The following WRAP53 variants were observed in gnomAD, a reference collection of about 807,000 sequenced individuals.
The protein encoded by WRAP53 is telomerase Cajal body protein 1.
A neutral mutation model predicts 56.6 loss-of-function variants in WRAP53; 28 were observed. The ratio of observed to expected loss-of-function variants is 0.50; its 90% CI spans 0.37 to 0.68. The LOEUF is 0.68. WRAP53 is among the 30% of genes least tolerant of loss of function. WRAP53 has a pLI of 0.00. For synonymous variants in WRAP53, 283 were observed against 283.4 expected, an observed-to-expected ratio of 1.00 and a Z score of 0.01; for missense variants, 671 against 715.5, an observed-to-expected ratio of 0.94 and a Z score of 0.71.
At chr17:7,687,422 C>G (rs1234703100), upstream of WRAP53, 1 of 398,560 alleles carries the variant, frequency 2.5e-6, no homozygotes, top group Admixed American at 4.4e-5. Flanking sequence ...ACGCTCCCAG[C>G]CCGAACGCAA....
intron 4 of WRAP53, among the ~76,000 whole-genome samples, chr17:7,690,531 G>A (rs1395285298): frequency 6.6e-6 from 1 of 152,244 alleles, no homozygotes; most frequent in African/African-American, 2.4e-5. Context: ...TAAGGGATCA[G>A]TCATGTGAAG....
In WRAP53 at chr17:7,688,518, C is replaced by A. The variant is rs548795605; in HGVS notation, c.-45C>A. 55 of 983,652 alleles carry A rather than the reference C, an allele frequency of 5.6e-5. No individual in the cohort carries two copies. Among genetic ancestry groups the A allele is most frequent in the Admixed American group, 7.2e-5 (3 of 41,494 alleles). 60.9% of individuals were successfully genotyped at this position (983,652 alleles called of 1,614,324 possible). ...TTGGCGTCCGCTGTTCGCCTCTCCT[C>A]CCGGGAGTCTTCTGCCTACTCCCAG... is the stretch of plus-strand genomic sequence containing the variant. On this transcript the variant is annotated 5_prime_UTR_variant, in exon 1 of 11. Coordinates refer to ENST00000396463, the MANE Select transcript of WRAP53 (RefSeq NM_001143992.2).
Position 7,688,982 on chromosome 17 carries a change from A to T in WRAP53, c.334A>T (p.Ser112Cys). The change falls in exon 2 of 11, where the codon AGC becomes TGC. Residue 112 changes from serine (S) to cysteine (C), a missense_variant. Around this residue, in one of 3 missense-constraint regions of WRAP53, gnomAD observed 406 missense variants for 418.5 expected, o/e 0.97. Coordinates refer to ENST00000396463, the MANE Select transcript of WRAP53 (RefSeq NM_001143992.2). The part of the protein sequence containing the change: ...TSLPAEEANG[S>C]LSEEEANGPE... The stretch of plus-strand genomic sequence containing the variant: ...CCTTCCTGCAGAAGAAGCAAACGGG[A>T]GCCTTTCTGAAGAAGAAGCGAACGG... The T allele has an allele frequency of 2.5e-6, 4 of 1,614,170 alleles. No homozygotes were observed. Among genetic ancestry groups the T allele is most frequent in the Non-Finnish European group, 3.4e-6 (4 of 1,180,032 alleles).
chr17:7,703,501 T>TTAA lies in WRAP53; in HGVS notation c.*15_*16insTAA. 6.7e-7 allele frequency: 1 copy of TTAA among 1,495,924 alleles called. No homozygotes were observed. The allele number at this position is 1,495,924 out of a possible 1,614,324, so 92.7% of individuals were successfully genotyped here. A position where few individuals can be genotyped will look rare whatever the true frequency, so the allele number is the denominator to read the frequency against. On this transcript the variant is annotated 3_prime_UTR_variant, in exon 11 of 11. Transcript: ENST00000396463. ...AGCTGATATAAAAAGGTTTTTATGA[T>TTAA]ACTAGAGTCTTCGTGTCTGTTTTGG...
In WRAP53 at chr17:7,701,659, T is replaced by TG; in HGVS notation, c.826dup (p.Glu276GlyfsTer81). ...TTTCAGCCCTTTCCTTCCCCCAGGA[T>TG]GAGCTGACGGCAGCCCATTCGCTCT... On this transcript the variant is annotated frameshift_variant, in exon 7 of 11. Transcript: ENST00000396463. LOFTEE classifies it high-confidence loss of function. This position sits in a 1 kb window ranked among gnomAD's most constrained non-coding sequence, Gnocchi z 4.2. 1 of 1,614,248 alleles carries TG rather than the reference T, an allele frequency of 6.2e-7. No individual in the cohort carries two copies. Among genetic ancestry groups the TG allele is most frequent in the South Asian group, 1.1e-5 (1 of 91,082 alleles).
chr17:7,702,015 A>G lies in WRAP53; in HGVS notation c.955+226A>G, dbSNP rs112156853. On this transcript the variant is annotated intron_variant, in intron 7 of 10. Coordinates refer to ENST00000396463, the MANE Select transcript of WRAP53 (RefSeq NM_001143992.2). The surrounding 1 kb of genome is among the most constrained non-coding windows in gnomAD (Gnocchi z 5.0). ...AGGACTGCTTCCTTCCTGAACTCAT[A>G]CCCTGTCAGCTGTGGAGCTTTTGGT... is the stretch of plus-strand genomic sequence containing the variant. The G allele has an allele frequency of 1.3e-6, 1 of 768,470 alleles. No individual in the cohort carries two copies. 47.6% of individuals were successfully genotyped at this position (768,470 alleles called of 1,614,324 possible). A position where few individuals can be genotyped will look rare whatever the true frequency, so the allele number is the denominator to read the frequency against.
chr17:7,690,649 C>T (rs1430959323), intron 4 of WRAP53, among the ~76,000 whole-genome samples: 9 of 152,194 alleles, frequency 5.9e-5, no homozygotes, highest in South Asian at 4.1e-4. Flanking sequence ...TGGTGGCTCA[C>T]GCCTGTAATC....
chr17:7,702,977 C>T lies in WRAP53; in HGVS notation c.1269-16C>T. On this transcript the variant is annotated splice_polypyrimidine_tract_variant and intron_variant, in intron 9 of 10. Coordinates refer to ENST00000396463, the MANE Select transcript of WRAP53 (RefSeq NM_001143992.2). The surrounding 1 kb of genome is among the most constrained non-coding windows in gnomAD (Gnocchi z 5.0). ...GGGTGAGGCCTCTGCCAGCAAATCT[C>T]TCCTCTCTCTCGCAGGACCGGGCAG... 6.2e-7 allele frequency: 1 copy of T among 1,613,640 alleles called. No individual in the cohort carries two copies. Among genetic ancestry groups the T allele is most frequent in the Non-Finnish European group, 8.5e-7 (1 of 1,180,022 alleles).
upstream of WRAP53, chr17:7,687,280 C>T: frequency 2.5e-6 from 1 of 398,514 alleles, no homozygotes; most frequent in East Asian, 3.6e-5. Flanking sequence ...TCCCCACTGC[C>T]CCACCCCCAG....
Position 7,700,805 on chromosome 17 carries a change from C to T in WRAP53, c.707C>T (p.Ser236Phe), listed in dbSNP as rs749638410. 6.2e-7 allele frequency: 1 copy of T among 1,613,126 alleles called. No individual in the cohort carries two copies. Residue 236 changes from serine (S) to phenylalanine (F), a missense_variant, in exon 5 of 11, where the codon TCC becomes TTC. Physicochemically the swap from Ser to Phe is radical, Grantham distance 155 (BLOSUM62 -2). This residue lies in a region of WRAP53 where 406 missense variants were observed against 418.5 expected (regional missense o/e 0.97). Coordinates refer to ENST00000396463, the MANE Select transcript of WRAP53 (RefSeq NM_001143992.2). ...IYDYCWYSLM[S>F]SAQPDTSYVA... ...GATTACTGCTGGTATTCTCTGATGT[C>T]CTCAGCCCAGCCAGACACCTCCTAG...
chr17:7,693,960 A>T (rs1240968854), intron 4 of WRAP53, among the ~76,000 whole-genome samples: 1 of 152,036 alleles, frequency 6.6e-6, no homozygotes, highest in Non-Finnish European at 1.5e-5. Flanking sequence ...TAAGTTTTTG[A>T]TGAAGCTGAA....
Position 7,702,454 on chromosome 17 carries a change from G to A in WRAP53, c.1066G>A (p.Asp356Asn). The A allele has an allele frequency of 6.2e-7, 1 of 1,614,074 alleles. No homozygotes were observed. ...CTCCCTGGGTCTGTATGCCTGGGATGATGGCTCCCCTCTCGCCTTGCTGGG... is the reference window on the plus strand; with the variant it reads ...CTCCCTGGGTCTGTATGCCTGGGATAATGGCTCCCCTCTCGCCTTGCTGGG... ...GRSLGLYAWD[D>N]GSPLALLGGH... The change falls in exon 8 of 11, where the codon GAT (aspartate) becomes AAT (asparagine). Residue 356 changes from aspartate (D) to asparagine (N), a missense_variant. Physicochemically the swap from Asp to Asn is conservative, Grantham distance 23. This residue lies in a region of WRAP53 where 158 missense variants were observed against 215.7 expected (regional missense o/e 0.73). Coordinates refer to ENST00000396463, the MANE Select transcript of WRAP53 (RefSeq NM_001143992.2). The surrounding 1 kb of genome is among the most constrained non-coding windows in gnomAD (Gnocchi z 5.0).
chr17:7,703,403 GC>G lies in WRAP53; in HGVS notation c.1565del (p.Ala522GlyfsTer26), dbSNP rs373064567. ...CRLQLWWCGG[A>X]PDSSIPDDHQ... ...GCTTCAGCTCTGGTGGTGTGGGGGG[GC>G]GCCAGACTCCAGCATCCCTGATGAT... On this transcript the variant is annotated frameshift_variant, in exon 11 of 11. Coordinates refer to ENST00000396463, the MANE Select transcript of WRAP53 (RefSeq NM_001143992.2). LOFTEE classifies it low-confidence loss of function (END_TRUNC). 4.1e-5 allele frequency: 66 copies of G among 1,611,876 alleles called. No individual in the cohort carries two copies. The highest frequency in any genetic ancestry group is 1.1e-4 in the African/African-American group (8 of 74,704).
rs779303064 is a variant in WRAP53, at chr17:7,688,800, C to G, written c.152C>G (p.Pro51Arg). ...CCGCCTCCCGAAAGGGGGGATCCGC[C>G]CCGGTTGTCCCCAGATCCTGTGGCT... Reference protein sequence around the residue: ...MPPPPERGDPPRLSPDPVAGS... With the variant: ...MPPPPERGDPRRLSPDPVAGS... Residue 51 changes from proline (P) to arginine (R), a missense_variant, in exon 2 of 11, where the codon CCC (proline) becomes CGC (arginine). Pro to Arg is a moderately radical substitution (Grantham distance 103, BLOSUM62 -2). This residue lies in a region of WRAP53 where 406 missense variants were observed against 418.5 expected (regional missense o/e 0.97). Transcript: ENST00000396463. 1.9e-6 allele frequency: 3 copies of G among 1,614,070 alleles called. No individual in the cohort carries two copies. The highest frequency in any genetic ancestry group is 1.7e-6 in the Non-Finnish European group (2 of 1,180,044).
rs999267275 is a variant in WRAP53 at position 7,701,603 on chromosome 17, T to C, written c.822+54T>C. ...CTCGTACTGGCCCGGCTCTCCTTCC[T>C]TGAGGGCAGCTGAGGCTTTGCAAGA... On this transcript the variant is annotated intron_variant, in intron 6 of 10. Transcript: ENST00000396463. The surrounding 1 kb of genome is among the most constrained non-coding windows in gnomAD (Gnocchi z 4.2). The C allele has an allele frequency of 1.4e-5, 22 of 1,614,242 alleles. No individual in the cohort carries two copies. In the South Asian group the frequency reaches 2.0e-4, roughly 14 times the overall value.
Position 7,688,513 on chromosome 17 carries a change from C to A in WRAP53, c.-50C>A. 1.1e-6 allele frequency: 1 copy of A among 929,208 alleles called. No homozygotes were observed. Among genetic ancestry groups the A allele is most frequent in the Non-Finnish European group, 1.6e-6 (1 of 623,314 alleles). 57.6% of individuals were successfully genotyped at this position (929,208 alleles called of 1,614,324 possible). ...AAGAATTGGCGTCCGCTGTTCGCCTCTCCTCCCGGGAGTCTTCTGCCTACT... is the reference window on the plus strand; with the variant it reads ...AAGAATTGGCGTCCGCTGTTCGCCTATCCTCCCGGGAGTCTTCTGCCTACT... On this transcript the variant is annotated 5_prime_UTR_variant, in exon 1 of 11. Transcript: ENST00000396463.
At chr17:7,693,178 T>TTCTTTC (rs1319094560) in intron 4 of WRAP53, among the ~76,000 whole-genome samples, 13 of 113,454 alleles carry the variant, frequency 1.1e-4, no homozygotes, top group African/African-American at 1.0e-3. Flanking sequence ...ACTCTTTCTT[T>TTCTTTC]TTTTTCTTTT....
chr17:7,686,978 A>C (rs906092507), upstream of WRAP53: 10 of 202,130 alleles, frequency 4.9e-5, no homozygotes, highest in African/African-American at 2.3e-4. Flanking sequence ...GCTCTAAAAT[A>C]TACAGCTATG....
intron 4 of WRAP53, among the ~76,000 whole-genome samples, 188 bp from the exon 5 acceptor site, chr17:7,700,547 TAAAAAA>T (rs1332262473): frequency 1.4e-5 from 2 of 138,518 alleles, no homozygotes; most frequent in African/African-American, 5.2e-5. Context: ...CTCAAAATAA[TAAAAAA>T]AAAAAAGTAT....
Sources: allele counts gnomAD v4.1 joint callset (sites outside exome capture counted in the v4.1 genomes callset), GRCh38; gene constraint gnomAD v4.1.1; regional missense constraint gnomAD v4.1.1; non-coding constraint Gnocchi (gnomAD v3.1); transcripts MANE v1.5; gene names NCBI Gene and HGNC (gene_info 2026-07-23, HGNC 2026-07-21).